The following ESRRG variants were observed in gnomAD, a reference collection of about 807,000 sequenced individuals.
ESRRG encodes estrogen related receptor gamma, also known as estrogen-related receptor gamma.
Under a neutral mutation model 44.0 loss-of-function variants are expected in ESRRG, and 13 were observed. The observed-to-expected ratio is 0.30, with a 90% CI of 0.19 to 0.47. ESRRG has a LOEUF of 0.47. Ranked by LOEUF, ESRRG falls within the 20% of genes least tolerant of loss-of-function variation. The pLI, the probability that ESRRG is intolerant of heterozygous loss-of-function variation, is 1.00. For missense variants in ESRRG, 395 were observed against 580.6 expected, an observed-to-expected ratio of 0.68 and a Z score of 3.29; for synonymous variants, 215 against 214.6, an observed-to-expected ratio of 1.00 and a Z score of -0.02.
chr1:216,572,978 A>G (rs11587086), intron 3 of ESRRG, among the ~76,000 whole-genome samples: 27,218 of 151,946 alleles, frequency 0.18, 3,088 homozygotes, highest in Middle Eastern at 0.26. Flanking sequence ...GAGAGGTCAG[A>G]TAAAGAGAAA....
At chr1:216,749,855 GT>G (rs1297062597) in intron 2 of ESRRG, among the ~76,000 whole-genome samples, 1 of 152,074 alleles carries the variant, frequency 6.6e-6, no homozygotes, top group East Asian at 1.9e-4. Flanking sequence ...CAAAAAATAA[GT>G]ATAATGAAGT....
chr1:217,084,485 G>A (rs1280298383), intron 1 of ESRRG, among the ~76,000 whole-genome samples: 2 of 152,080 alleles, frequency 1.3e-5, no homozygotes, highest in Non-Finnish European at 2.9e-5. Flanking sequence ...AAACTTAAAT[G>A]AGCCACTCTA....
intron 3 of ESRRG, among the ~76,000 whole-genome samples, chr1:216,629,746 T>C (rs2063797167): frequency 6.6e-6 from 1 of 152,194 alleles, no homozygotes; most frequent in African/African-American, 2.4e-5. Context: ...AGAAATACCC[T>C]TGCTTTATGT....
intron 1 of ESRRG, among the ~76,000 whole-genome samples, chr1:216,678,470 C>T (rs1393483056): frequency 2.0e-5 from 3 of 152,102 alleles, no homozygotes; most frequent in African/African-American, 7.2e-5. Context: ...GATGGTCCTT[C>T]CCCCACTTCT....
At chr1:216,751,461 A>G (rs2091997179) in intron 2 of ESRRG, among the ~76,000 whole-genome samples, 1 of 152,148 alleles carries the variant, frequency 6.6e-6, no homozygotes, top group South Asian at 2.1e-4. Context: ...GTCTCTGAGC[A>G]ACCACTGACA....
intron 2 of ESRRG, among the ~76,000 whole-genome samples, chr1:216,832,807 T>C (rs1286748983): frequency 6.6e-6 from 1 of 151,832 alleles, no homozygotes. Flanking sequence ...CTACTAAAAA[T>C]ACAAAAATAA....
chr1:216,662,777 G>T (rs971302695), intron 2 of ESRRG, among the ~76,000 whole-genome samples: 2 of 152,112 alleles, frequency 1.3e-5, no homozygotes, highest in South Asian at 2.1e-4. Flanking sequence ...ACATATTTTT[G>T]TCTTTGCAGG....
At chr1:216,660,672 A>G (rs142752744) in intron 2 of ESRRG, among the ~76,000 whole-genome samples, 5 of 152,364 alleles carry the variant, frequency 3.3e-5, no homozygotes, top group African/African-American at 1.2e-4. Flanking sequence ...GGAAATTTTG[A>G]TGCCTGACAT....
In ESRRG at chr1:216,581,267, A is replaced by G. The variant is rs1204038564; in HGVS notation, c.590-13169T>C. Among the ~76,000 whole-genome samples, 4 of 152,336 alleles carry G rather than the reference A, an allele frequency of 2.6e-5. No homozygotes were observed. In the South Asian group the frequency reaches 8.3e-4, roughly 32 times the overall value. On this transcript the variant is annotated intron_variant, in intron 3 of 6. Transcript: ENST00000408911. The stretch of plus-strand genomic sequence containing the variant: ...TGGTGAAAATTAATGTTTCATCTCA[A>G]CATCTACAGTCACCCTTTTGGCAGA...
intron 1 of ESRRG, among the ~76,000 whole-genome samples, chr1:216,685,703 C>T (rs549625460): frequency 6.6e-6 from 1 of 152,212 alleles, no homozygotes. Context: ...GCTTCCTGAA[C>T]TTCCCTTTCC....
At chr1:217,027,842 T>C (rs1189737505) in intron 1 of ESRRG, among the ~76,000 whole-genome samples, 1 of 152,166 alleles carries the variant, frequency 6.6e-6, no homozygotes, top group East Asian at 1.9e-4. Context: ...TGACCTTTAG[T>C]GGTTAAATGA....
chr1:216,520,157 G>T (rs1428136891), intron 5 of ESRRG, among the ~76,000 whole-genome samples: 2 of 152,076 alleles, frequency 1.3e-5, no homozygotes, highest in Admixed American at 1.3e-4. Flanking sequence ...AAGGTAACAG[G>T]GTTTGGTGCA....
intron 2 of ESRRG, among the ~76,000 whole-genome samples, chr1:216,855,495 T>C (rs1209552172): frequency 6.6e-6 from 1 of 152,202 alleles, no homozygotes; most frequent in African/African-American, 2.4e-5. Flanking sequence ...AAAAAACCTG[T>C]ACAAATTCAA....
At chr1:216,706,840 T>A (rs542864362) in intron 1 of ESRRG, among the ~76,000 whole-genome samples, 1 of 152,354 alleles carries the variant, frequency 6.6e-6, no homozygotes, top group African/African-American at 2.4e-5. Context: ...ATAATTTTAA[T>A]GACCTGGAGC....
chr1:216,924,300 A>C (rs1000398957), intron 2 of ESRRG, among the ~76,000 whole-genome samples: 1 of 152,304 alleles, frequency 6.6e-6, no homozygotes, highest in Admixed American at 6.5e-5. Context: ...GCAAGTCTCT[A>C]TCCTAACATG....
In ESRRG at chr1:216,817,933, T is replaced by G. The variant is rs1576884324; in HGVS notation, c.-14+121649A>C. 4.6e-5 allele frequency among the ~76,000 whole-genome samples: 7 copies of G among 152,204 alleles called. No individual in the cohort carries two copies. In the South Asian group the frequency reaches 1.5e-3, roughly 32 times the overall value. On this transcript the variant is annotated intron_variant, in intron 2 of 7. Transcript: ENST00000359162. ...ATATGCAATTCTTCAGGGCTTTTTT[T>G]TTTAACAATGCATATGAGGTCTGAC...
chr1:216,925,111 C>T (rs994627832), intron 2 of ESRRG, among the ~76,000 whole-genome samples: 8 of 152,156 alleles, frequency 5.3e-5, no homozygotes, highest in Admixed American at 2.0e-4. Context: ...GGGACTTAAA[C>T]AGGATGGCTC....
At chr1:216,595,133 G>A (rs1349398516) in intron 3 of ESRRG, among the ~76,000 whole-genome samples, 1 of 152,126 alleles carries the variant, frequency 6.6e-6, no homozygotes, top group African/African-American at 2.4e-5. Flanking sequence ...ACAAATGTTT[G>A]AAAATGAAAA....
chr1:217,045,185 T>C (rs1457303452), intron 1 of ESRRG, among the ~76,000 whole-genome samples: 2 of 152,220 alleles, frequency 1.3e-5, no homozygotes, highest in Non-Finnish European at 2.9e-5. Flanking sequence ...AGGCACTCTT[T>C]GTGCATGTAG....
Sources: gnomAD v4.1 joint callset for allele counts (sites outside exome capture counted in the v4.1 genomes callset) on GRCh38, gnomAD v4.1.1 for gene constraint, MANE v1.5 for transcripts, NCBI Gene and HGNC (gene_info 2026-07-23, HGNC 2026-07-21) for gene names.